Variants in ARID3A observed in about 807,000 individuals in gnomAD.
ARID3A encodes AT-rich interaction domain 3A.
A neutral mutation model predicts 52.7 loss-of-function variants in ARID3A; 11 were observed. That is an observed-to-expected ratio of 0.21 (90% CI 0.13 to 0.35). The LOEUF is 0.35. Among genes scored for constraint, ARID3A ranks in the 10% least tolerant of loss-of-function variants. ARID3A has a pLI of 1.00. For missense variants in ARID3A, 721 were observed against 838.5 expected (o/e 0.86, Z 1.73); for synonymous variants, 404 against 359.4 (o/e 1.12, Z -1.40).
intron 8 of ARID3A, among the ~76,000 whole-genome samples, chr19:971,597 G>A (rs1219313830): frequency 6.6e-6 from 1 of 152,118 alleles, no homozygotes; most frequent in Non-Finnish European, 1.5e-5. Context: ...CTGCGCGACA[G>A]AGCGAGACAC....
rs2037543438 is a variant in ARID3A at position 941,141 on chromosome 19, A to G, written c.693+8399A>G. ...GCGCCGGCCCCGCCCCATGCTTTCT[A>G]ATAACACACGCGGCAGCCCGAGGGA... On this transcript the variant is annotated intron_variant, in intron 3 of 8. Coordinates refer to ENST00000263620, the MANE Select transcript of ARID3A (RefSeq NM_005224.3). This position sits in a 1 kb window ranked among gnomAD's most constrained non-coding sequence, Gnocchi z 6.9. 6.6e-6 allele frequency among the ~76,000 whole-genome samples: 1 copy of G among 152,136 alleles called. No individual in the cohort carries two copies. The highest frequency in any genetic ancestry group is 1.9e-4 in the East Asian group (1 of 5,182).
Position 932,620 on chromosome 19 carries a change from G to C in ARID3A, c.571G>C (p.Val191Leu), listed in dbSNP as rs939166353. Residue 191 changes from valine (V) to leucine (L), a missense_variant, in exon 3 of 9, where the codon GTG becomes CTG. Transcript: ENST00000263620. ...QAFRGDGVPR[V>L]LGGQERPGPG... ...CTTCCGCGGCGATGGCGTTCCCAGG[G>C]TGCTGGGGGGCCAGGAGCGGCCGGG... 11 of 1,532,890 alleles carry C rather than the reference G, an allele frequency of 7.2e-6. No homozygotes were observed. The highest frequency in any genetic ancestry group is 9.6e-6 in the Non-Finnish European group (11 of 1,141,190). The allele number at this position is 1,532,890 out of a possible 1,614,324, so 95.0% of individuals were successfully genotyped here. A position where few individuals can be genotyped will look rare whatever the true frequency, so the allele number is the denominator to read the frequency against.
chr19:969,164 A>C (rs182344124), intron 8 of ARID3A, among the ~76,000 whole-genome samples: 1 of 152,068 alleles, frequency 6.6e-6, no homozygotes, highest in Non-Finnish European at 1.5e-5. Flanking sequence ...GTAGGTATAT[A>C]TATTTATGGG....
intron 3 of ARID3A, among the ~76,000 whole-genome samples, chr19:936,214 C>T (rs1403965099): frequency 2.0e-5 from 3 of 152,218 alleles, no homozygotes; most frequent in Admixed American, 6.5e-5. Context: ...TAAAAAACAG[C>T]TTTATTGGGC....
At chr19:969,942 C>G (rs1319670109) in intron 8 of ARID3A, among the ~76,000 whole-genome samples, 5 of 151,990 alleles carry the variant, frequency 3.3e-5, no homozygotes, top group Admixed American at 6.6e-5. Context: ...ATCCGCCTGC[C>G]TCGGCCTCCC....
rs1360604393 is a variant in ARID3A, at chr19:938,233, C to T, written c.693+5491C>T. 6.6e-6 allele frequency among the ~76,000 whole-genome samples: 1 copy of T among 152,216 alleles called. No homozygotes were observed. Among genetic ancestry groups the T allele is most frequent in the Non-Finnish European group, 1.5e-5 (1 of 68,038 alleles). On this transcript the variant is annotated intron_variant, in intron 3 of 8. Transcript: ENST00000263620. The surrounding 1 kb of genome is among the most constrained non-coding windows in gnomAD (Gnocchi z 4.0). ...TTTCATTCAGTGTCAGGATCTCTCC[C>T]TCTGCTTTCCAAAGTAAAGCTTGCT...
At chr19:971,021 TA>T (rs1207705724) in intron 8 of ARID3A, among the ~76,000 whole-genome samples, 1 of 152,228 alleles carries the variant, frequency 6.6e-6, no homozygotes, top group Admixed American at 6.5e-5. Context: ...AACTGTGTGC[TA>T]GGGGTCTCGC....
chr19:926,835 C>T (rs1437618416), intron 1 of ARID3A, among the ~76,000 whole-genome samples: 1 of 152,056 alleles, frequency 6.6e-6, no homozygotes, highest in African/African-American at 2.4e-5. Flanking sequence ...CGGCCCCGGG[C>T]GGCGGGTTCA....
chr19:940,345 G>A (rs962225271), intron 3 of ARID3A, among the ~76,000 whole-genome samples: 15 of 152,088 alleles, frequency 9.9e-5, no homozygotes, highest in African/African-American at 2.9e-4. Context: ...AAATGTACGC[G>A]TTTGCACTGG....
At position 975,897 on chromosome 19, in the gene ARID3A, G is replaced by A. The variant is rs148019274; in HGVS notation, c.*3832G>A. On this transcript the variant is annotated 3_prime_UTR_variant, in exon 9 of 9. Transcript: ENST00000263620. ...GATTGTAACCCTGTAAAGCTGATGA[G>A]ATATTAAAACGAGACAAAACACTTC... 2.2e-5 allele frequency: 4 copies of A among 182,092 alleles called. No individual in the cohort carries two copies. The highest frequency in any genetic ancestry group is 9.4e-5 in the African/African-American group (4 of 42,552). The allele number at this position is 182,092 out of a possible 1,614,324, so 11.3% of individuals were successfully genotyped here. A position where few individuals can be genotyped will look rare whatever the true frequency, so the allele number is the denominator to read the frequency against.
chr19:964,873 G>T lies in ARID3A; in HGVS notation c.991G>T (p.Gly331Cys). Residue 331 changes from glycine (G) to cysteine (C), a missense_variant, in exon 6 of 9, where the codon GGC becomes TGC. Around this residue, in one of 5 missense-constraint regions of ARID3A, gnomAD observed 43 missense variants for 143.7 expected, o/e 0.30. Transcript: ENST00000263620. This position sits in a 1 kb window ranked among gnomAD's most constrained non-coding sequence, Gnocchi z 5.7. Reference protein sequence around the residue: ...YLYPYECEKRGLSNPNELQAA... With the variant: ...YLYPYECEKRCLSNPNELQAA... ...GTACCCCTACGAGTGTGAGAAGCGG[G>T]GCCTCAGTAACCCCAATGAGCTCCA... is the stretch of plus-strand genomic sequence containing the variant. 6.2e-7 allele frequency: 1 copy of T among 1,613,944 alleles called. No individual in the cohort carries two copies. The highest frequency in any genetic ancestry group is 8.5e-7 in the Non-Finnish European group (1 of 1,179,976).
At chr19:934,662 C>G (rs764220861) in intron 3 of ARID3A, among the ~76,000 whole-genome samples, 3 of 152,020 alleles carry the variant, frequency 2.0e-5, no homozygotes, top group Non-Finnish European at 4.4e-5. Context: ...GTGTAGGGAC[C>G]GGGTGCCGCC....
chr19:939,131 A>T (rs1439250136), intron 3 of ARID3A, among the ~76,000 whole-genome samples: 2 of 134,086 alleles, frequency 1.5e-5, no homozygotes, highest in Admixed American at 7.6e-5. Flanking sequence ...ATTTATTATT[A>T]TTATTTTAGA....
intron 6 of ARID3A, 40 bp from the exon 7 acceptor site, chr19:966,532 A>C (rs1568373178): frequency 6.7e-7 from 1 of 1,488,648 alleles, no homozygotes; most frequent in Admixed American, 2.3e-5. Context: ...GGCAGGGCCC[A>C]GCCCCTCCTG....
chr19:932,905 G>A (rs1474451914), intron 3 of ARID3A, among the ~76,000 whole-genome samples, 163 bp downstream of exon 3: 1 of 152,212 alleles, frequency 6.6e-6, no homozygotes, highest in African/African-American at 2.4e-5. Context: ...CCTGGGCGTG[G>A]GCTCGACCAG....
intron 3 of ARID3A, among the ~76,000 whole-genome samples, chr19:950,384 T>G (rs1683572): frequency 1.9e-5 from 1 of 53,216 alleles, no homozygotes; most frequent in Admixed American, 2.1e-4. Flanking sequence ...CCAGAGGGAA[T>G]GGATGGATGA....
chr19:964,062 G>A lies in ARID3A; in HGVS notation c.767-186G>A, dbSNP rs1373609176. On this transcript the variant is annotated intron_variant, in intron 4 of 8. Coordinates refer to ENST00000263620, the MANE Select transcript of ARID3A (RefSeq NM_005224.3). This position sits in a 1 kb window ranked among gnomAD's most constrained non-coding sequence, Gnocchi z 5.7. ...AGAGCTGCCCCCTCTGCACCCTCTC[G>A]AGCAGAGGTTCCCAGCCTGGATGAT... Among the ~76,000 whole-genome samples the A allele has an allele frequency of 1.3e-5, 2 of 152,200 alleles. No homozygotes were observed. The highest frequency in any genetic ancestry group is 2.1e-4 in the South Asian group (1 of 4,834).
chr19:926,883 T>TC (rs150653564), intron 1 of ARID3A, among the ~76,000 whole-genome samples: 71 of 150,550 alleles, frequency 4.7e-4, no homozygotes, highest in Middle Eastern at 3.4e-3. Context: ...CTGGAGGGGT[T>TC]CCCCCCCCCA....
intron 3 of ARID3A, among the ~76,000 whole-genome samples, chr19:940,270 C>A (rs976186523): frequency 3.9e-5 from 6 of 152,144 alleles, no homozygotes; most frequent in African/African-American, 1.2e-4. Flanking sequence ...ATGTAAAATA[C>A]AGTAACACTA....
Sources: allele counts gnomAD v4.1 joint callset (sites outside exome capture counted in the v4.1 genomes callset), GRCh38; gene constraint gnomAD v4.1.1; regional missense constraint gnomAD v4.1.1; non-coding constraint Gnocchi (gnomAD v3.1); transcripts MANE v1.5; gene names NCBI Gene and HGNC (gene_info 2026-07-23, HGNC 2026-07-21).